APLF: variants seen among roughly 807,000 people sequenced by gnomAD.
APLF encodes aprataxin and PNKP like factor, also known as aprataxin and PNK-like factor.
APLF carries 61 observed loss-of-function variants against 55.6 expected under a neutral mutation model. That is an observed-to-expected ratio of 1.10 (90% CI 0.89 to 1.36). The LOEUF is 1.36. Ranked by LOEUF, APLF falls within the 40% of genes most tolerant of loss-of-function variation. APLF has a pLI of 0.00. For synonymous variants in APLF, 207 were observed against 214.8 expected (o/e 0.96, Z 0.32); for missense variants, 611 against 602.5 (o/e 1.01, Z -0.15).
chr2:68,567,220 A>T, intron 8 of APLF, 121 bp from the exon 9 acceptor site: 2 of 737,994 alleles, frequency 2.7e-6, no homozygotes, highest in Non-Finnish European at 4.5e-6. Context: ...ATGCTTTTTC[A>T]TAAGAGGCCT....
chr2:68,473,376 T>C (rs1388084926), intron 1 of APLF, among the ~76,000 whole-genome samples: 1 of 152,216 alleles, frequency 6.6e-6, no homozygotes, highest in Non-Finnish European at 1.5e-5. Context: ...TGAATAATAT[T>C]CCATTGTCGG....
intron 9 of APLF, among the ~76,000 whole-genome samples, chr2:68,575,114 A>G (rs1445238525): frequency 6.6e-6 from 1 of 152,116 alleles, no homozygotes; most frequent in African/African-American, 2.4e-5. Context: ...GTAGGAGGAC[A>G]GAATAGCAAG....
Position 68,538,117 on chromosome 2 carries a change from T to C in APLF, c.1050T>C (p.Asn350=), listed in dbSNP as rs1314236145. The change falls in exon 7 of 10, where the codon AAT becomes AAC. Residue 350 remains asparagine (N), a synonymous_variant. Coordinates refer to ENST00000303795, the MANE Select transcript of APLF (RefSeq NM_173545.3). ...GGTCTCATTCTGAGTCCAGCTCTAA[T>C]CCCTCCAATCCTGAAACTTTGCATG... is the stretch of plus-strand genomic sequence containing the variant. ...SQGSHSESSS[N]PSNPETLHAK... is the part of the protein sequence containing the mutation. 1.2e-6 allele frequency: 2 copies of C among 1,613,980 alleles called. No individual in the cohort carries two copies. The highest frequency in any genetic ancestry group is 2.7e-5 in the African/African-American group (2 of 74,918).
intron 9 of APLF, among the ~76,000 whole-genome samples, chr2:68,577,253 A>C (rs1384211486): frequency 6.6e-6 from 1 of 152,186 alleles, no homozygotes; most frequent in South Asian, 2.1e-4. Context: ...ACACTTATTT[A>C]AGTGTATTTC....
chr2:68,507,316 A>G (rs771383143), intron 3 of APLF, among the ~76,000 whole-genome samples: 79 of 152,050 alleles, frequency 5.2e-4, no homozygotes, highest in Non-Finnish European at 9.0e-4. Flanking sequence ...TAAGAAAGGG[A>G]TCTGAACCAC....
At chr2:68,498,529 T>A (rs751873492) in intron 2 of APLF, among the ~76,000 whole-genome samples, 1 of 152,216 alleles carries the variant, frequency 6.6e-6, no homozygotes, top group Non-Finnish European at 1.5e-5. Context: ...ATATTTCTCC[T>A]ACAAAAAATG....
At chr2:68,545,347 C>T in intron 8 of APLF, 35 bp downstream of exon 8, 8 of 1,588,518 alleles carry the variant, frequency 5.0e-6, no homozygotes, top group Non-Finnish European at 6.0e-6. Flanking sequence ...CACTCCTTTT[C>T]TTTCTTATCT....
intron 8 of APLF, among the ~76,000 whole-genome samples, chr2:68,545,646 A>C (rs996863011): frequency 6.6e-6 from 1 of 152,070 alleles, no homozygotes; most frequent in Admixed American, 6.6e-5. Flanking sequence ...TCTATTTGGG[A>C]TGTTATCTCT....
chr2:68,497,444 C>G (rs1004898054), intron 2 of APLF, among the ~76,000 whole-genome samples: 7 of 152,146 alleles, frequency 4.6e-5, no homozygotes, highest in African/African-American at 1.7e-4. Context: ...AGCACCTCCC[C>G]CTTCTCTCTC....
chr2:68,547,445 G>T (rs1309937062), intron 8 of APLF, among the ~76,000 whole-genome samples: 1 of 151,772 alleles, frequency 6.6e-6, no homozygotes, highest in Non-Finnish European at 1.5e-5. Context: ...ATGAAGAATA[G>T]GTGGCAGGAT....
intron 5 of APLF, among the ~76,000 whole-genome samples, chr2:68,521,086 G>A (rs1669884084): frequency 6.6e-6 from 1 of 151,184 alleles, no homozygotes; most frequent in Non-Finnish European, 1.5e-5. Flanking sequence ...TTGTTTGTTT[G>A]TTTTTTTGCA....
chr2:68,503,955 G>A (rs1676798767), intron 3 of APLF, among the ~76,000 whole-genome samples: 1 of 151,956 alleles, frequency 6.6e-6, no homozygotes, highest in African/African-American at 2.4e-5. Context: ...AAGGCTTACT[G>A]AGAAAAAAGT....
intron 8 of APLF, among the ~76,000 whole-genome samples, chr2:68,548,518 C>T (rs991660060): frequency 2.0e-5 from 3 of 151,928 alleles, no homozygotes; most frequent in East Asian, 3.8e-4. Context: ...CACATGCACA[C>T]ACACATAAAC....
chr2:68,467,771 C>T lies in APLF; in HGVS notation c.40C>T (p.Pro14Ser). 3.2e-6 allele frequency: 4 copies of T among 1,234,504 alleles called. No homozygotes were observed. Among genetic ancestry groups the T allele is most frequent in the Non-Finnish European group, 4.0e-6 (4 of 988,094 alleles). 76.5% of individuals were successfully genotyped at this position (1,234,504 alleles called of 1,614,324 possible). A position where few individuals can be genotyped will look rare whatever the true frequency, so the allele number is the denominator to read the frequency against. ...CGAGCTGCAGCCGCGGGACGGCGGT[C>T]CCCGGGTGGCCCTGGCGCCCGGGGA... ...GFELQPRDGGPRVALAPGETV... is the reference protein window; with the variant it reads ...GFELQPRDGGSRVALAPGETV... The change falls in exon 1 of 10, where the codon CCC becomes TCC. Residue 14 changes from proline (P) to serine (S), a missense_variant. Coordinates refer to ENST00000303795, the MANE Select transcript of APLF (RefSeq NM_173545.3).
At chr2:68,520,419 G>C (rs1005658780) in intron 5 of APLF, among the ~76,000 whole-genome samples, 5 of 152,030 alleles carry the variant, frequency 3.3e-5, no homozygotes, top group Non-Finnish European at 5.9e-5. Flanking sequence ...TTTTTCTGAT[G>C]TTATCTTCTA....
rs189489185 is a variant in APLF, at chr2:68,580,140, A to G, written c.*2118A>G. On this transcript the variant is annotated 3_prime_UTR_variant, in exon 10 of 10. Transcript: ENST00000303795. The stretch of plus-strand genomic sequence containing the variant: ...ACACTTTTGAGTATAACTATTGTAT[A>G]AATAAATGTATAGCTTAATTGACTG... 2.6e-5 allele frequency: 24 copies of G among 925,876 alleles called. No individual in the cohort carries two copies. In the East Asian group the frequency reaches 2.7e-3, roughly 104 times the overall value. 57.4% of individuals were successfully genotyped at this position (925,876 alleles called of 1,614,324 possible).
intron 7 of APLF, among the ~76,000 whole-genome samples, chr2:68,541,283 C>G (rs776580747): frequency 2.6e-5 from 4 of 151,972 alleles, no homozygotes; most frequent in Non-Finnish European, 4.4e-5. Context: ...TCCAGTTGAT[C>G]AGTTGGACAA....
At chr2:68,495,577 A>G (rs111498090) in intron 2 of APLF, among the ~76,000 whole-genome samples, 3,914 of 152,338 alleles carry the variant, frequency 0.026, 67 homozygotes, top group South Asian at 0.043. Context: ...GTTTGGGTCT[A>G]GAGGATGGTG....
intron 1 of APLF, among the ~76,000 whole-genome samples, chr2:68,468,270 C>T (rs1449410340): frequency 6.6e-6 from 1 of 152,170 alleles, no homozygotes; most frequent in Non-Finnish European, 1.5e-5. Flanking sequence ...GAAAAGTTTG[C>T]CAAACTGTGA....
Sources: allele counts gnomAD v4.1 joint callset (sites outside exome capture counted in the v4.1 genomes callset), GRCh38; gene constraint gnomAD v4.1.1; transcripts MANE v1.5; gene names NCBI Gene and HGNC (gene_info 2026-07-23, HGNC 2026-07-21).